The following DAPK1 variants were observed in gnomAD, a reference collection of about 807,000 sequenced individuals.
DAPK1 encodes death associated protein kinase 1.
Under a neutral mutation model 144.9 loss-of-function variants are expected in DAPK1, and 56 were observed. That is an observed-to-expected ratio of 0.39 (90% confidence interval 0.31 to 0.48). DAPK1 has a LOEUF of 0.48. Among genes scored for constraint, DAPK1 ranks in the 20% least tolerant of loss-of-function variants. The pLI, the probability that DAPK1 is intolerant of heterozygous loss-of-function variation, is 0.95. For synonymous variants in DAPK1, 690 were observed against 749.0 expected, an observed-to-expected ratio of 0.92 and a Z score of 1.29; for missense variants, 1,454 against 1,875.4, an observed-to-expected ratio of 0.78 and a Z score of 4.15.
rs77999980 is a variant in DAPK1 at position 87,522,095 on chromosome 9, C to T, written c.62+22956C>T. On this transcript the variant is annotated intron_variant, in intron 2 of 25. Transcript: ENST00000408954. ...TTAGACTTCCCAGCCTCCAGGACCA[C>T]GAGCTGAATAAATTGCTTTTATTTA... Among the ~76,000 whole-genome samples the T allele has an allele frequency of 7.1e-3, 1,079 of 152,282 alleles. 16 individuals carry two copies. The highest frequency in any genetic ancestry group is 0.024 in the African/African-American group (1,016 of 41,538).
At chr9:87,517,956 T>C (rs1243163829) in intron 2 of DAPK1, among the ~76,000 whole-genome samples, 1 of 152,116 alleles carries the variant, frequency 6.6e-6, no homozygotes, top group Non-Finnish European at 1.5e-5. Context: ...CAAGAGGAAA[T>C]GGGCACCAGT....
intron 8 of DAPK1, 111 bp downstream of exon 8, chr9:87,640,561 C>T: frequency 7.8e-7 from 1 of 1,276,418 alleles, no homozygotes; most frequent in Non-Finnish European, 1.1e-6. Context: ...GCTTCATCTG[C>T]CAAAGGGCAG....
chr9:87,612,917 A>G (rs960191340), intron 3 of DAPK1, among the ~76,000 whole-genome samples: 6 of 152,198 alleles, frequency 3.9e-5, no homozygotes, highest in African/African-American at 9.7e-5. Flanking sequence ...CATGTTAAGA[A>G]TTATAAAGTA....
intron 10 of DAPK1, among the ~76,000 whole-genome samples, chr9:87,642,787 A>G (rs937178477): frequency 2.6e-5 from 4 of 152,176 alleles, no homozygotes; most frequent in Admixed American, 2.6e-4. Flanking sequence ...AAAAGTCCTT[A>G]GAATTAGGCT....
At chr9:87,505,314 C>CA (rs554579624) in intron 2 of DAPK1, among the ~76,000 whole-genome samples, 47 of 152,328 alleles carry the variant, frequency 3.1e-4, no homozygotes, top group Non-Finnish European at 5.9e-4. Context: ...ACTCTTCTGA[C>CA]AAGAGGGGAG....
chr9:87,632,038 A>T, intron 3 of DAPK1: 1 of 777,844 alleles, frequency 1.3e-6, no homozygotes, highest in Non-Finnish European at 1.6e-6. Flanking sequence ...ATATGTAGGG[A>T]TGAAGGAGGA....
intron 4 of DAPK1, 119 bp downstream of exon 4, chr9:87,638,200 C>T: frequency 6.3e-6 from 7 of 1,109,738 alleles, no homozygotes; most frequent in Non-Finnish European, 8.8e-6. Context: ...ACCAGTTTAA[C>T]AAACAGAAAT....
rs1202508718 is a variant in DAPK1, at chr9:87,557,316, GGA to G, written c.63-47635_63-47634del. Among the ~76,000 whole-genome samples, 3 of 152,116 alleles carry G rather than the reference GGA, an allele frequency of 2.0e-5. No homozygotes were observed. The East Asian group carries it at 5.8e-4, about 29-fold the overall frequency. Reference sequence around the variant, plus strand: ...CATTTCCCACCATGGCCCTGTCAGGGGAGACCCTTTGTCCTGTACCTTCCTGT... The same window carrying G: ...CATTTCCCACCATGGCCCTGTCAGGGGACCCTTTGTCCTGTACCTTCCTGT... On this transcript the variant is annotated intron_variant, in intron 2 of 25. Coordinates refer to ENST00000408954, the MANE Select transcript of DAPK1 (RefSeq NM_004938.4).
At chr9:87,657,276 AC>A (rs1830658566) in intron 17 of DAPK1, 1 of 152,272 alleles carries the variant, frequency 6.6e-6, no homozygotes, top group Non-Finnish European at 1.5e-5. Context: ...TTCTTCCATG[AC>A]CACATTACGT....
Position 87,645,891 on chromosome 9 carries a change from C to G in DAPK1, c.1012-4C>G. ...CTGTTTCCATCTTGGCTGTCTCTCT[C>G]AAGGATGAGGAAGACTCCTTTGTGA... On this transcript the variant is annotated splice_polypyrimidine_tract_variant and splice_region_variant and intron_variant, in intron 11 of 25. Coordinates refer to ENST00000408954, the MANE Select transcript of DAPK1 (RefSeq NM_004938.4). 6.2e-7 allele frequency: 1 copy of G among 1,613,700 alleles called. No homozygotes were observed. Among genetic ancestry groups the G allele is most frequent in the South Asian group, 1.1e-5 (1 of 91,024 alleles).
At chr9:87,651,115 T>G (rs1830429000) in intron 16 of DAPK1, among the ~76,000 whole-genome samples, 1 of 152,260 alleles carries the variant, frequency 6.6e-6, no homozygotes, top group Non-Finnish European at 1.5e-5. Context: ...CACAATACTT[T>G]CACATTTTTC....
chr9:87,517,991 C>G (rs1383830704), intron 2 of DAPK1, among the ~76,000 whole-genome samples: 1 of 152,108 alleles, frequency 6.6e-6, no homozygotes, highest in Non-Finnish European at 1.5e-5. Context: ...GGGTCCCAAT[C>G]TGCCCCATAG....
intron 2 of DAPK1, among the ~76,000 whole-genome samples, chr9:87,569,089 G>T (rs12340263): frequency 0.28 from 42,144 of 152,072 alleles, 6,248 homozygotes; most frequent in East Asian, 0.49. Context: ...AACCTCAGTG[G>T]TTCTCAGCCT....
intron 2 of DAPK1, among the ~76,000 whole-genome samples, chr9:87,521,137 G>A (rs1825283738): frequency 6.6e-6 from 1 of 152,246 alleles, no homozygotes; most frequent in East Asian, 1.9e-4. Context: ...ACTGCTGATT[G>A]CAATAGTGCT....
At position 87,668,649 on chromosome 9, in the gene DAPK1, C is replaced by A; in HGVS notation, c.1976C>A (p.Ala659Glu). 1 of 1,428,852 alleles carries A rather than the reference C, an allele frequency of 7.0e-7. No individual in the cohort carries two copies. Among genetic ancestry groups the A allele is most frequent in the Non-Finnish European group, 9.9e-7 (1 of 1,010,750 alleles). The allele number at this position is 1,428,852 out of a possible 1,614,324, so 88.5% of individuals were successfully genotyped here. ...AGATCGGAACAGCACGAGCACGTAG[C>A]AGGTCTCCTTGCAAGACTTCGAAAG... ...LARSEQHEHV[A>E]GLLARLRKDT... Residue 659 changes from alanine (A) to glutamate (E), a missense_variant, in exon 19 of 26, where the codon GCA (alanine) becomes GAA (glutamate). Ala to Glu is a moderately radical substitution (Grantham distance 107). Transcript: ENST00000408954.
At chr9:87,508,544 G>A (rs1294931139) in intron 2 of DAPK1, among the ~76,000 whole-genome samples, 1 of 151,766 alleles carries the variant, frequency 6.6e-6, no homozygotes, top group African/African-American at 2.4e-5. Flanking sequence ...GGGTTTCACC[G>A]TGTTAGCCAG....
At chr9:87,580,657 C>T (rs1827721339) in intron 2 of DAPK1, among the ~76,000 whole-genome samples, 1 of 152,052 alleles carries the variant, frequency 6.6e-6, no homozygotes, top group Non-Finnish European at 1.5e-5. Flanking sequence ...AGCATAAGAC[C>T]AAATACAAAG....
At chr9:87,638,305 T>C (rs925051152) in intron 4 of DAPK1, among the ~76,000 whole-genome samples, 3 of 152,234 alleles carry the variant, frequency 2.0e-5, no homozygotes, top group Admixed American at 6.5e-5. Flanking sequence ...GATTACATTC[T>C]GGAATTCTTG....
At position 87,498,008 on chromosome 9, in the gene DAPK1, C is replaced by T. The variant is rs1824241047; in HGVS notation, c.-208C>T. 2.5e-6 allele frequency: 1 copy of T among 397,762 alleles called. No individual in the cohort carries two copies. The allele number at this position is 397,762 out of a possible 1,614,324, so 24.6% of individuals were successfully genotyped here. A position where few individuals can be genotyped will look rare whatever the true frequency, so the allele number is the denominator to read the frequency against. ...TCTGCGCCCCCCACTCACTCCCTAGCTGTGTTCCCGCCGCCGCCCCGGCTA... is the reference window on the plus strand; with the variant it reads ...TCTGCGCCCCCCACTCACTCCCTAGTTGTGTTCCCGCCGCCGCCCCGGCTA... On this transcript the variant is annotated 5_prime_UTR_variant, in exon 1 of 26. Transcript: ENST00000408954.
Sources: allele counts gnomAD v4.1 joint callset (sites outside exome capture counted in the v4.1 genomes callset), GRCh38; gene constraint gnomAD v4.1.1; transcripts MANE v1.5; gene names NCBI Gene and HGNC (gene_info 2026-07-23, HGNC 2026-07-21).